TMEM237: variants seen among roughly 807,000 people sequenced by gnomAD.
The protein encoded by TMEM237 is amyotrophic lateral sclerosis 2 (juvenile) chromosome region, candidate 4.
Under a neutral mutation model 59.1 loss-of-function variants are expected in TMEM237, and 51 were observed. That is an observed-to-expected ratio of 0.86 (90% CI 0.69 to 1.09). The LOEUF (loss-of-function observed/expected upper bound fraction) is 1.09. Ranked by LOEUF, TMEM237 falls within the 50% of genes least tolerant of loss-of-function variation. The probability of loss-of-function intolerance (pLI) is 0.00; values close to 1 mark genes in which losing one functional copy is unlikely to be tolerated. For synonymous variants in TMEM237, 140 were observed against 166.1 expected, an observed-to-expected ratio of 0.84 and a Z score of 1.21; for missense variants, 475 against 478.3, an observed-to-expected ratio of 0.99 and a Z score of 0.06.
chr2:201,628,297 G>A (rs750019240), intron 9 of TMEM237, 148 bp from the exon 10 acceptor site: 16 of 497,682 alleles, frequency 3.2e-5, no homozygotes, highest in Middle Eastern at 1.1e-3. Context: ...TACTTAACAC[G>A]CATGACAAAA....
At chr2:201,628,766 G>T (rs1448755655) in intron 9 of TMEM237, among the ~76,000 whole-genome samples, 1 of 152,190 alleles carries the variant, frequency 6.6e-6, no homozygotes, top group Non-Finnish European at 1.5e-5. Flanking sequence ...TGAGGGGAAG[G>T]TCATGAAACA....
chr2:201,636,573 A>C, intron 5 of TMEM237, 175 bp downstream of exon 5: 1 of 673,304 alleles, frequency 1.5e-6, no homozygotes, highest in Non-Finnish European at 2.4e-6. Flanking sequence ...GAGACCTGTA[A>C]AGTATTCTTG....
At chr2:201,626,852 C>A (rs557539988) in intron 11 of TMEM237, among the ~76,000 whole-genome samples, 1 of 152,172 alleles carries the variant, frequency 6.6e-6, no homozygotes, top group Non-Finnish European at 1.5e-5. Context: ...GAGGCCAAGG[C>A]GGGTGGATCA....
At chr2:201,639,701 C>A (rs1687375556) in intron 3 of TMEM237, among the ~76,000 whole-genome samples, 1 of 152,062 alleles carries the variant, frequency 6.6e-6, no homozygotes, top group Admixed American at 6.5e-5. Flanking sequence ...GAGGCTGAGG[C>A]AGGAGAATGA....
Position 201,621,458 on chromosome 2 carries a change from G to A in TMEM237, c.*2797C>T. ...CCACAGCAGCATTATTCACAGACTGGAATGAGCCCAGATATCCTTCAATAG... is the reference window on the plus strand; with the variant it reads ...CCACAGCAGCATTATTCACAGACTGAAATGAGCCCAGATATCCTTCAATAG... On this transcript the variant is annotated 3_prime_UTR_variant, in exon 13 of 13. Coordinates refer to ENST00000409883, the MANE Select transcript of TMEM237 (RefSeq NM_001044385.3). 1 of 152,052 alleles carries A rather than the reference G, an allele frequency of 6.6e-6. No individual in the cohort carries two copies. The highest frequency in any genetic ancestry group is 1.9e-4 in the East Asian group (1 of 5,188). 9.4% of individuals were successfully genotyped at this position (152,052 alleles called of 1,614,324 possible).
chr2:201,637,979 T>C (rs1159922066), intron 4 of TMEM237, among the ~76,000 whole-genome samples: 2 of 152,040 alleles, frequency 1.3e-5, no homozygotes, highest in African/African-American at 2.4e-5. Context: ...TTTAGCAGAG[T>C]CAGTCATACT....
intron 1 of TMEM237, among the ~76,000 whole-genome samples, 160 bp from the exon 2 acceptor site, chr2:201,641,084 T>C (rs532289121): frequency 1.7e-3 from 266 of 152,166 alleles, no homozygotes; most frequent in Non-Finnish European, 3.0e-3. Context: ...TTCCATCTCC[T>C]GGGTTCAAGC....
chr2:201,638,955 T>C (rs750111607), intron 4 of TMEM237, 34 bp downstream of exon 4: 40 of 1,559,144 alleles, frequency 2.6e-5, no homozygotes, highest in Non-Finnish European at 3.5e-5. Flanking sequence ...CTGGGAAAAC[T>C]TGTGATCCCA....
intron 4 of TMEM237, 66 bp from the exon 5 acceptor site, chr2:201,636,951 T>A: frequency 6.7e-7 from 1 of 1,482,432 alleles, no homozygotes. Flanking sequence ...CTTAAAAAGA[T>A]GGAGGAAAAG....
rs553740095 is a variant in TMEM237 at position 201,620,569 on chromosome 2, G to A, written c.*3686C>T. On this transcript the variant is annotated 3_prime_UTR_variant, in exon 13 of 13. Transcript: ENST00000409883. ...GTCAAGGAAGACAACGGTTTTTAAAGCAAAAATGATTGTTTTGAGAGAATT... is the reference window on the plus strand; with the variant it reads ...GTCAAGGAAGACAACGGTTTTTAAAACAAAAATGATTGTTTTGAGAGAATT... 5 of 152,270 alleles carry A rather than the reference G, an allele frequency of 3.3e-5. No homozygotes were observed. The East Asian group carries it at 9.6e-4, about 29-fold the overall frequency. The allele number at this position is 152,270 out of a possible 1,614,324, so 9.4% of individuals were successfully genotyped here. A position where few individuals can be genotyped will look rare whatever the true frequency, so the allele number is the denominator to read the frequency against.
rs774411597 is a variant in TMEM237, at chr2:201,635,800, G to C, written c.274+948C>G. ...AAAGAGGCTCGAAGAAACAAGGAAG[G>C]ATTCTTTTCTAGAGACTTCAGAGGG... On this transcript the variant is annotated intron_variant, in intron 5 of 12. Transcript: ENST00000409883. This position sits in a 1 kb window ranked among gnomAD's most constrained non-coding sequence, Gnocchi z 4.5. Among the ~76,000 whole-genome samples, 4 of 151,282 alleles carry C rather than the reference G, an allele frequency of 2.6e-5. No individual in the cohort carries two copies. Among genetic ancestry groups the C allele is most frequent in the Non-Finnish European group, 5.9e-5 (4 of 67,862 alleles).
rs1449440718 is a variant in TMEM237, at chr2:201,623,957, T to A, written c.*298A>T. ...TTATGGCTTTTTCTAAACCAGTGCT[T>A]TTTAAGGTAATAGTTATAAATACAA... On this transcript the variant is annotated 3_prime_UTR_variant, in exon 13 of 13. Transcript: ENST00000409883. 3 of 213,616 alleles carry A rather than the reference T, an allele frequency of 1.4e-5. No individual in the cohort carries two copies. Among genetic ancestry groups the A allele is most frequent in the Non-Finnish European group, 2.8e-5 (3 of 108,394 alleles). The allele number at this position is 213,616 out of a possible 1,614,324, so 13.2% of individuals were successfully genotyped here.
In TMEM237 at chr2:201,629,304, G is replaced by A. The variant is rs369062566; in HGVS notation, c.795C>T (p.Tyr265=). The A allele has an allele frequency of 4.3e-6, 7 of 1,611,204 alleles. No homozygotes were observed. The African/African-American group carries it at 8.0e-5, about 18-fold the overall frequency. ...TCTGGAATGGATACGCTAGGGTCTTGTATTGTTGCAGAAGGTTTGAGAGGT... is the reference window on the plus strand; with the variant it reads ...TCTGGAATGGATACGCTAGGGTCTTATATTGTTGCAGAAGGTTTGAGAGGT... The part of the protein sequence containing the change: ...LSNLSNLLQQ[Y]KTLAYPFQSL... Residue 265 remains tyrosine (Y), a synonymous_variant, in exon 9 of 13, where the codon TAC becomes TAT. Transcript: ENST00000409883.
intron 5 of TMEM237, chr2:201,634,905 A>G (rs941102699): frequency 1.8e-5 from 8 of 449,576 alleles, no homozygotes; most frequent in Non-Finnish European, 3.7e-5. Flanking sequence ...TAGAAGGACA[A>G]GTAATTAGGA....
Position 201,636,520 on chromosome 2 carries a change from A to ATTTGTT in TMEM237, c.274+222_274+227dup, listed in dbSNP as rs1343707625. On this transcript the variant is annotated intron_variant, in intron 5 of 12. Transcript: ENST00000409883. Reference sequence around the variant, plus strand: ...ATCTGAACTTTCTGTTTAGTCCTGTATTTGTTGCCCTCCTCTCATAATCTA... The same window carrying ATTTGTT: ...ATCTGAACTTTCTGTTTAGTCCTGTATTTGTTTTTGTTGCCCTCCTCTCATAATCTA... 6 of 447,156 alleles carry ATTTGTT rather than the reference A, an allele frequency of 1.3e-5. No homozygotes were observed. In the Admixed American group the frequency reaches 2.1e-4, roughly 15 times the overall value. 27.7% of individuals were successfully genotyped at this position (447,156 alleles called of 1,614,324 possible).
In TMEM237 at chr2:201,638,821, C is replaced by G. The variant is rs144213906; in HGVS notation, c.136+168G>C. Reference sequence around the variant, plus strand: ...CCTCAGGCTGCCCACTGCCCTGTACCTCACCACCACCAGGAATTCCACTGC... The same window carrying G: ...CCTCAGGCTGCCCACTGCCCTGTACGTCACCACCACCAGGAATTCCACTGC... On this transcript the variant is annotated intron_variant, in intron 4 of 12. Coordinates refer to ENST00000409883, the MANE Select transcript of TMEM237 (RefSeq NM_001044385.3). 2.8e-5 allele frequency: 19 copies of G among 687,328 alleles called. No homozygotes were observed. In the East Asian group the frequency reaches 4.6e-4, roughly 17 times the overall value. 42.6% of individuals were successfully genotyped at this position (687,328 alleles called of 1,614,324 possible). A position where few individuals can be genotyped will look rare whatever the true frequency, so the allele number is the denominator to read the frequency against.
At chr2:201,637,204 G>C (rs911653980) in intron 4 of TMEM237, among the ~76,000 whole-genome samples, 1 of 152,170 alleles carries the variant, frequency 6.6e-6, no homozygotes, top group Admixed American at 6.5e-5. Flanking sequence ...AATAAAAACT[G>C]ATACCATAGA....
chr2:201,629,815 C>G lies in TMEM237; in HGVS notation c.591G>C (p.Lys197Asn), dbSNP rs1298927468. 3 of 1,613,326 alleles carry G rather than the reference C, an allele frequency of 1.9e-6. No individual in the cohort carries two copies. Among genetic ancestry groups the G allele is most frequent in the South Asian group, 2.2e-5 (2 of 90,958 alleles). Residue 197 changes from lysine (K) to asparagine (N), a missense_variant, in exon 8 of 13, where the codon AAG becomes AAC. Physicochemically the swap from Lys to Asn is moderately conservative, Grantham distance 94. Transcript: ENST00000409883. ...FQAADRSELIKTTENIDVSMD... is the reference protein window; with the variant it reads ...FQAADRSELINTTENIDVSMD... The stretch of plus-strand genomic sequence containing the variant: ...TTGACACATCTATGTTTTCTGTGGT[C>G]TTTATCAACTCTGAACGATCAGCAG...
chr2:201,623,820 A>G lies in TMEM237; in HGVS notation c.*435T>C, dbSNP rs974970959. 6.5e-6 allele frequency: 1 copy of G among 153,196 alleles called. No homozygotes were observed. Among genetic ancestry groups the G allele is most frequent in the Admixed American group, 6.5e-5 (1 of 15,316 alleles). The allele number at this position is 153,196 out of a possible 1,614,324, so 9.5% of individuals were successfully genotyped here. A position where few individuals can be genotyped will look rare whatever the true frequency, so the allele number is the denominator to read the frequency against. ...GCCAGTTTCAGAAAAGACAAACTTC[A>G]TATTTCAATTTATTCAGTAAGGGGA... is the stretch of plus-strand genomic sequence containing the variant. On this transcript the variant is annotated 3_prime_UTR_variant, in exon 13 of 13. Transcript: ENST00000409883.
Sources: gnomAD v4.1 joint callset for allele counts (sites outside exome capture counted in the v4.1 genomes callset) on GRCh38, gnomAD v4.1.1 for gene constraint, Gnocchi (gnomAD v3.1) non-coding constraint, MANE v1.5 for transcripts, NCBI Gene and HGNC (gene_info 2026-07-23, HGNC 2026-07-21) for gene names.